Variants in CACNB2 observed in about 807,000 individuals in gnomAD.
CACNB2 encodes voltage-dependent L-type calcium channel subunit beta-2.
In CACNB2, 42 loss-of-function variants were observed where a neutral mutation model predicts 73.3. The observed-to-expected ratio is 0.57, with a 90% CI of 0.45 to 0.74. The LOEUF is 0.74. Ranked by LOEUF, CACNB2 falls within the 30% of genes least tolerant of loss-of-function variation. The pLI, the probability that CACNB2 is intolerant of heterozygous loss-of-function variation, is 0.00. For missense variants in CACNB2, 940 were observed against 853.0 expected, an observed-to-expected ratio of 1.10 and a Z score of -1.27; for synonymous variants, 348 against 310.3, an observed-to-expected ratio of 1.12 and a Z score of -1.28.
intron 2 of CACNB2, among the ~76,000 whole-genome samples, chr10:18,320,188 C>G (rs1232827311): frequency 6.6e-6 from 1 of 152,188 alleles, no homozygotes; most frequent in Non-Finnish European, 1.5e-5. Context: ...ACACGTCAAA[C>G]TCTGTTGACC....
chr10:18,344,513 C>T (rs983305673), intron 2 of CACNB2, among the ~76,000 whole-genome samples: 5 of 151,906 alleles, frequency 3.3e-5, no homozygotes, highest in East Asian at 1.9e-4. Context: ...GGATTACAGG[C>T]GTCCTCCACC....
intron 2 of CACNB2, among the ~76,000 whole-genome samples, chr10:18,194,277 G>T (rs910448181): frequency 2.6e-5 from 4 of 152,100 alleles, no homozygotes; most frequent in African/African-American, 7.2e-5. Flanking sequence ...AATGAATGAC[G>T]GTGAAAATTA....
intron 9 of CACNB2, among the ~76,000 whole-genome samples, chr10:18,524,654 TAAA>T (rs35663592): frequency 2.2e-4 from 26 of 116,898 alleles, no homozygotes; most frequent in Admixed American, 3.6e-4. Context: ...GACTCTATCT[TAAA>T]AAAAAAAAAA....
At chr10:18,462,901 GGTGT>G (rs1322606422) in intron 3 of CACNB2, among the ~76,000 whole-genome samples, 9 of 152,172 alleles carry the variant, frequency 5.9e-5, no homozygotes, top group African/African-American at 2.2e-4. Context: ...TGGGATTACA[GGTGT>G]GTGCCACCAC....
At chr10:18,165,458 G>T (rs1435952715) in intron 2 of CACNB2, among the ~76,000 whole-genome samples, 1 of 152,226 alleles carries the variant, frequency 6.6e-6, no homozygotes, top group East Asian at 1.9e-4. Context: ...TATCGCCCAG[G>T]CTGAAGTGCA....
intron 2 of CACNB2, among the ~76,000 whole-genome samples, chr10:18,342,880 A>G (rs2041290575): frequency 6.6e-6 from 1 of 152,168 alleles, no homozygotes; most frequent in Non-Finnish European, 1.5e-5. Flanking sequence ...ATTATGGGAT[A>G]GTTGTTTAGA....
intron 1 of CACNB2, 30 bp from the exon 2 acceptor site, chr10:18,150,853 G>GTGTTTTTTTTTTT: frequency 1.5e-6 from 1 of 655,038 alleles, no homozygotes. Context: ...AATCTTATTT[G>GTGTTTTTTTTTTT]TCTTTTTTTT....
intron 2 of CACNB2, among the ~76,000 whole-genome samples, chr10:18,205,107 T>C (rs1403950818): frequency 6.6e-6 from 1 of 152,072 alleles, no homozygotes; most frequent in East Asian, 1.9e-4. Context: ...TCTTAAGATC[T>C]GTATCATTGA....
chr10:18,417,194 C>T (rs1276695162), intron 3 of CACNB2, among the ~76,000 whole-genome samples: 2 of 35,528 alleles, frequency 5.6e-5, no homozygotes, highest in African/African-American at 5.2e-4. Context: ...TAAACATCTT[C>T]GTGCAATTTT....
At chr10:18,271,224 T>C (rs1029962272) in intron 2 of CACNB2, among the ~76,000 whole-genome samples, 2 of 152,238 alleles carry the variant, frequency 1.3e-5, no homozygotes, top group Non-Finnish European at 2.9e-5. Flanking sequence ...AACTATGTAA[T>C]CATTTCCTCT....
intron 2 of CACNB2, among the ~76,000 whole-genome samples, chr10:18,186,899 A>G (rs1188382688): frequency 1.3e-5 from 2 of 152,202 alleles, no homozygotes; most frequent in Non-Finnish European, 2.9e-5. Context: ...CTTTTGTACA[A>G]CTGTCACTAT....
At chr10:18,264,716 C>T (rs187536723) in intron 2 of CACNB2, among the ~76,000 whole-genome samples, 120 of 152,322 alleles carry the variant, frequency 7.9e-4, no homozygotes, top group Middle Eastern at 3.4e-3. Context: ...CTCGTGCTCA[C>T]GGTTGTACAG....
chr10:18,341,437 A>G, intron 2 of CACNB2, among the ~76,000 whole-genome samples: 1 of 152,334 alleles, frequency 6.6e-6, no homozygotes, highest in African/African-American at 2.4e-5. Context: ...TGAATTTAAT[A>G]AAATACAAAC....
At chr10:18,308,522 A>T (rs1589002863) in intron 2 of CACNB2, among the ~76,000 whole-genome samples, 1 of 152,152 alleles carries the variant, frequency 6.6e-6, no homozygotes, top group Admixed American at 6.5e-5. Context: ...CTACAGCAAA[A>T]TTTTCTATTC....
At chr10:18,162,854 G>C (rs1479524733) in intron 2 of CACNB2, among the ~76,000 whole-genome samples, 1 of 152,210 alleles carries the variant, frequency 6.6e-6, no homozygotes, top group African/African-American at 2.4e-5. Flanking sequence ...AGTGAGCATA[G>C]ATAGTTTTTG....
intron 2 of CACNB2, among the ~76,000 whole-genome samples, chr10:18,340,494 T>C (rs893627287): frequency 3.3e-5 from 5 of 152,222 alleles, no homozygotes; most frequent in Non-Finnish European, 5.9e-5. Context: ...TATCCAGTTA[T>C]GCAACCTGTT....
chr10:18,501,574 G>T (rs12257556), intron 5 of CACNB2, among the ~76,000 whole-genome samples: 1 of 152,034 alleles, frequency 6.6e-6, no homozygotes, highest in Non-Finnish European at 1.5e-5. Context: ...CACTAGAAAG[G>T]CTTCTCGTAG....
intron 2 of CACNB2, among the ~76,000 whole-genome samples, chr10:18,320,359 G>A (rs968801062): frequency 2.0e-5 from 3 of 152,112 alleles, no homozygotes; most frequent in African/African-American, 7.2e-5. Context: ...TGGTTTTGTG[G>A]TCTATGACAT....
intron 9 of CACNB2, among the ~76,000 whole-genome samples, chr10:18,524,736 T>G (rs2052289548): frequency 1.4e-5 from 2 of 146,012 alleles, no homozygotes; most frequent in African/African-American, 5.1e-5. Context: ...CAAGAAAAAG[T>G]ATAGTAGGCT....
Sources: allele counts gnomAD v4.1 joint callset (sites outside exome capture counted in the v4.1 genomes callset), GRCh38; gene constraint gnomAD v4.1.1; transcripts MANE v1.5; gene names NCBI Gene and HGNC (gene_info 2026-07-23, HGNC 2026-07-21).